Variants in ADAM32 observed in about 807,000 individuals in gnomAD.
The protein encoded by ADAM32 is disintegrin and metalloproteinase domain-containing protein 32.
Under a neutral mutation model 114.9 loss-of-function variants are expected in ADAM32, and 89 were observed. That is an observed-to-expected ratio of 0.77 (90% confidence interval 0.65 to 0.92). The LOEUF (loss-of-function observed/expected upper bound fraction) is 0.92, where lower values mean the gene tolerates loss of function less well. ADAM32 is among the 40% of genes least tolerant of loss of function. The pLI, the probability that ADAM32 is intolerant of heterozygous loss-of-function variation, is 0.00. For missense variants in ADAM32, 870 were observed against 932.8 expected, an observed-to-expected ratio of 0.93 and a Z score of 0.88; for synonymous variants, 285 against 307.5, an observed-to-expected ratio of 0.93 and a Z score of 0.77.
At chr8:39,251,141 C>T (rs1811263732) in intron 17 of ADAM32, among the ~76,000 whole-genome samples, 1 of 151,814 alleles carries the variant, frequency 6.6e-6, no homozygotes, top group South Asian at 2.1e-4. Flanking sequence ...CATGGGAATG[C>T]AGATAGCATT....
intron 11 of ADAM32, among the ~76,000 whole-genome samples, chr8:39,209,150 A>C (rs1429400176): frequency 2.0e-5 from 3 of 152,092 alleles, no homozygotes; most frequent in Non-Finnish European, 4.4e-5. Flanking sequence ...TGATCCAATA[A>C]GTGTTATTTG....
At chr8:39,180,496 G>A (rs942908715) in intron 10 of ADAM32, among the ~76,000 whole-genome samples, 4 of 152,202 alleles carry the variant, frequency 2.6e-5, no homozygotes, top group African/African-American at 4.8e-5. Flanking sequence ...TCGACCACCC[G>A]AGGGCTGAGG....
intron 10 of ADAM32, among the ~76,000 whole-genome samples, chr8:39,179,104 C>G (rs1056920905): frequency 1.3e-5 from 2 of 152,154 alleles, no homozygotes; most frequent in Non-Finnish European, 1.5e-5. Flanking sequence ...CCCAGACTCT[C>G]TAGAGCCAGC....
At chr8:39,275,925 A>G in intron 22 of ADAM32, 59 bp downstream of exon 22, 2 of 1,435,936 alleles carry the variant, frequency 1.4e-6, no homozygotes, top group Non-Finnish European at 1.9e-6. Context: ...AATTGAGATG[A>G]ACAAATTGAT....
intron 1 of ADAM32, among the ~76,000 whole-genome samples, chr8:39,111,400 T>G (rs2129444008): frequency 6.6e-6 from 1 of 152,306 alleles, no homozygotes; most frequent in South Asian, 2.1e-4. Flanking sequence ...ATCCACAAAA[T>G]AGCTTGCTTA....
At chr8:39,191,685 C>T (rs1806621277) in intron 11 of ADAM32, among the ~76,000 whole-genome samples, 1 of 152,036 alleles carries the variant, frequency 6.6e-6, no homozygotes, top group African/African-American at 2.4e-5. Context: ...AATATTTTCT[C>T]CTGTTCTGTA....
At chr8:39,206,094 T>C (rs1185595966) in intron 11 of ADAM32, among the ~76,000 whole-genome samples, 3 of 152,210 alleles carry the variant, frequency 2.0e-5, no homozygotes, top group African/African-American at 7.2e-5. Flanking sequence ...TATTTTGGCC[T>C]TATTTATTGG....
intron 22 of ADAM32, among the ~76,000 whole-genome samples, chr8:39,277,429 G>T (rs780285845): frequency 6.6e-6 from 1 of 152,136 alleles, no homozygotes; most frequent in Non-Finnish European, 1.5e-5. Flanking sequence ...TTTATCTTTG[G>T]AGTAACCTTT....
chr8:39,267,660 A>C (rs534507764), intron 19 of ADAM32, among the ~76,000 whole-genome samples: 2 of 152,342 alleles, frequency 1.3e-5, no homozygotes, highest in South Asian at 4.1e-4. Context: ...TCTGGTTGCC[A>C]TGAGAGCACC....
At chr8:39,280,194 T>G (rs1370348658) in intron 22 of ADAM32, among the ~76,000 whole-genome samples, 1 of 152,216 alleles carries the variant, frequency 6.6e-6, no homozygotes, top group Non-Finnish European at 1.5e-5. Context: ...CTCAACTCCT[T>G]CCAAGCTAGG....
rs150185996 is a variant in ADAM32 at position 39,269,914 on chromosome 8, A to G, written c.2163-962A>G. On this transcript the variant is annotated intron_variant, in intron 19 of 24. Transcript: ENST00000379907. ...GGAAGGCCTCAGGAAACCTGCAATCATGGCAGAAGGCGAAGGGGAAGCAAG... is the reference window on the plus strand; with the variant it reads ...GGAAGGCCTCAGGAAACCTGCAATCGTGGCAGAAGGCGAAGGGGAAGCAAG... 1.8e-3 allele frequency among the ~76,000 whole-genome samples: 276 copies of G among 152,330 alleles called. 1 individual carries two copies. The highest frequency in any genetic ancestry group is 6.4e-3 in the African/African-American group (268 of 41,578).
rs2129445566 is a variant in ADAM32 at position 39,151,302 on chromosome 8, T to A, written c.354-75T>A. 7.9e-6 allele frequency: 10 copies of A among 1,272,010 alleles called. No homozygotes were observed. The South Asian group carries it at 1.6e-4, about 21-fold the overall frequency. 78.8% of individuals were successfully genotyped at this position (1,272,010 alleles called of 1,614,324 possible). On this transcript the variant is annotated intron_variant, in intron 5 of 24. Transcript: ENST00000379907. ...GGACTCAAAACGTTTTATTTTTTTT[T>A]CTTTTGGATTTTGTCAGAAATTCAT...
chr8:39,284,145 GT>G (rs201625362), intron 24 of ADAM32, among the ~76,000 whole-genome samples: 30 of 151,422 alleles, frequency 2.0e-4, no homozygotes, highest in Non-Finnish European at 5.9e-5. Flanking sequence ...AACTTAGTCT[GT>G]TTTTTTTCAG....
chr8:39,247,093 C>T (rs529511763), intron 17 of ADAM32, among the ~76,000 whole-genome samples: 33 of 152,150 alleles, frequency 2.2e-4, no homozygotes, highest in South Asian at 6.2e-4. Context: ...GTTATTTATC[C>T]ACTCATCTAC....
At position 39,160,539 on chromosome 8, in the gene ADAM32, CAAAAAAAAAAAA is replaced by C. The variant is rs71218314; in HGVS notation, c.526-338_526-327del. On this transcript the variant is annotated intron_variant, in intron 6 of 24. Coordinates refer to ENST00000379907, the MANE Select transcript of ADAM32 (RefSeq NM_145004.7). ...TGGGCGACAGAGCGAGACTCCATCTCAAAAAAAAAAAAAAAAAAAAAAAAAAAAAAATCCTCC... is the reference window on the plus strand; with the variant it reads ...TGGGCGACAGAGCGAGACTCCATCTCAAAAAAAAAAAAAAAAAAATCCTCC... Among the ~76,000 whole-genome samples the C allele has an allele frequency of 6.6e-4, 45 of 68,390 alleles. 1 individual carries two copies. Among genetic ancestry groups the C allele is most frequent in the African/African-American group, 2.8e-3 (43 of 15,490 alleles). 44.9% of individuals were successfully genotyped at this position (68,390 alleles called of 152,430 possible).
At chr8:39,147,482 A>G (rs547153123) in intron 4 of ADAM32, among the ~76,000 whole-genome samples, 11 of 152,018 alleles carry the variant, frequency 7.2e-5, no homozygotes, top group Non-Finnish European at 1.5e-4. Context: ...TATAAATTAA[A>G]TAACAAGAAA....
chr8:39,151,952 C>T (rs1382929013), intron 6 of ADAM32, among the ~76,000 whole-genome samples: 3 of 152,090 alleles, frequency 2.0e-5, no homozygotes, highest in Non-Finnish European at 4.4e-5. Flanking sequence ...CATGAGCCAC[C>T]GTGCCTGGCT....
chr8:39,128,339 A>G (rs1802241208), intron 2 of ADAM32, among the ~76,000 whole-genome samples: 1 of 152,036 alleles, frequency 6.6e-6, no homozygotes. Context: ...CTAGGTTTGT[A>G]ACCTCTGCTC....
intron 1 of ADAM32, among the ~76,000 whole-genome samples, chr8:39,117,093 A>C (rs926084729): frequency 6.6e-6 from 1 of 151,508 alleles, no homozygotes; most frequent in Admixed American, 6.6e-5. Flanking sequence ...TATGTTGGCC[A>C]GGCTGATCTG....
Sources: allele counts gnomAD v4.1 joint callset (sites outside exome capture counted in the v4.1 genomes callset), GRCh38; gene constraint gnomAD v4.1.1; transcripts MANE v1.5; gene names NCBI Gene and HGNC (gene_info 2026-07-23, HGNC 2026-07-21).